Variants in CHMP7 observed in about 807,000 individuals in gnomAD.
CHMP7 encodes CHMP family, member 7.
In CHMP7, 15 loss-of-function variants were observed where a neutral mutation model predicts 53.7. The ratio of observed to expected loss-of-function variants is 0.28; its 90% CI spans 0.19 to 0.43. CHMP7 has a LOEUF of 0.43. Ranked by LOEUF, CHMP7 falls within the 20% of genes least tolerant of loss-of-function variation. The pLI, the probability that CHMP7 is intolerant of heterozygous loss-of-function variation, is 1.00. For missense variants in CHMP7, 527 were observed against 569.4 expected (o/e 0.93, Z 0.76); for synonymous variants, 261 against 228.0 (o/e 1.14, Z -1.30).
intron 2 of CHMP7, among the ~76,000 whole-genome samples, chr8:23,248,458 A>G (rs1480814441): frequency 7.2e-5 from 11 of 152,294 alleles, no homozygotes; most frequent in Admixed American, 5.9e-4. Context: ...GCACCAACCT[A>G]ATAGTTAACA....
chr8:23,258,777 A>G lies in CHMP7; in HGVS notation c.1006A>G (p.Met336Val). Residue 336 changes from methionine to valine, a missense_variant, in exon 8 of 11, where the codon ATG becomes GTG. Coordinates refer to ENST00000397677, the MANE Select transcript of CHMP7 (RefSeq NM_152272.5). ...TGGGGTAGGAGCACTCAAACTCTCC[A>G]TGAAGGATGTCACAGTGGAGAAGGC... ...QAGVGALKLS[M>V]KDVTVEKAES... is the part of the protein sequence containing the mutation. The G allele has an allele frequency of 1.2e-6, 2 of 1,613,884 alleles. 1 individual carries two copies. The highest frequency in any genetic ancestry group is 2.2e-5 in the South Asian group (2 of 91,064).
chr8:23,257,865 C>A (rs556349168), intron 5 of CHMP7, among the ~76,000 whole-genome samples, 168 bp from the exon 6 acceptor site: 1 of 152,352 alleles, frequency 6.6e-6, no homozygotes, highest in South Asian at 2.1e-4. Context: ...TGTCAACAGA[C>A]TTGCCACAAG....
intron 2 of CHMP7, chr8:23,247,974 C>T (rs572580036): frequency 1.0e-4 from 43 of 423,408 alleles, no homozygotes; most frequent in Admixed American, 1.2e-4. Context: ...CCCTTCTCTA[C>T]TTTTGTTCCC....
chr8:23,254,791 TGGAAG>T (rs912776978), intron 3 of CHMP7: 1 of 219,102 alleles, frequency 4.6e-6, no homozygotes, highest in Non-Finnish European at 9.3e-6. Flanking sequence ...AGACTACAAT[TGGAAG>T]GGAATTAGAT....
intron 3 of CHMP7, among the ~76,000 whole-genome samples, chr8:23,250,703 A>C (rs1801893233): frequency 6.6e-6 from 1 of 150,996 alleles, no homozygotes; most frequent in South Asian, 2.1e-4. Context: ...ACTGCAGAGA[A>C]TAGTTATTTT....
Position 23,246,642 on chromosome 8 carries a change from G to A in CHMP7, c.-54G>A. On this transcript the variant is annotated 5_prime_UTR_variant, in exon 2 of 11. Transcript: ENST00000397677. Reference sequence around the variant, plus strand: ...CGGAAGCCGGGAGGGAACGAGGGCGGAAGCGGACCAGGGCCAGGCTTGTGT... The same window carrying A: ...CGGAAGCCGGGAGGGAACGAGGGCGAAAGCGGACCAGGGCCAGGCTTGTGT... The A allele has an allele frequency of 1.4e-6, 2 of 1,468,758 alleles. No homozygotes were observed. Among genetic ancestry groups the A allele is most frequent in the Non-Finnish European group, 9.2e-7 (1 of 1,090,620 alleles). The allele number at this position is 1,468,758 out of a possible 1,614,324, so 91.0% of individuals were successfully genotyped here. A position where few individuals can be genotyped will look rare whatever the true frequency, so the allele number is the denominator to read the frequency against.
intron 9 of CHMP7, 132 bp downstream of exon 9, chr8:23,259,258 TC>T: frequency 2.1e-6 from 1 of 485,934 alleles, no homozygotes; most frequent in East Asian, 3.6e-5. Flanking sequence ...AAGCTCCGCC[TC>T]CCGGGTTCAC....
intron 9 of CHMP7, chr8:23,259,943 C>G (rs965818670): frequency 1.7e-6 from 1 of 571,666 alleles, no homozygotes; most frequent in Non-Finnish European, 3.1e-6. Context: ...CAGAATACAC[C>G]TCCTTGGTGA....
At chr8:23,245,473 C>T (rs532509752) in intron 1 of CHMP7, among the ~76,000 whole-genome samples, 5 of 152,260 alleles carry the variant, frequency 3.3e-5, no homozygotes, top group African/African-American at 7.2e-5. Context: ...TAATAAATTC[C>T]GCTTTAACCT....
chr8:23,255,333 C>G lies in CHMP7; in HGVS notation c.558C>G (p.Leu186=). The part of the protein sequence containing the change: ...PVVALSELST[L]CANSCPDERT... ...TGGCCCTGTCAGAGCTCAGCACCCT[C>G]TGTGCTAACTCCTGCCCAGATGAGA... The change falls in exon 4 of 11, where the codon CTC becomes CTG. Residue 186 remains leucine (L), a synonymous_variant. Transcript: ENST00000397677. 6.2e-7 allele frequency: 1 copy of G among 1,614,216 alleles called. No homozygotes were observed. Among genetic ancestry groups the G allele is most frequent in the Non-Finnish European group, 8.5e-7 (1 of 1,180,030 alleles).
chr8:23,255,199 C>T (rs368708348), intron 3 of CHMP7, 48 bp from the exon 4 acceptor site: 233 of 1,598,248 alleles, frequency 1.5e-4, no homozygotes, highest in Admixed American at 3.9e-4. Flanking sequence ...GTCCCTGCAT[C>T]CCATGGCAGT....
chr8:23,244,600 A>G (rs1266208667), intron 1 of CHMP7, among the ~76,000 whole-genome samples: 3 of 152,150 alleles, frequency 2.0e-5, no homozygotes, highest in East Asian at 1.9e-4. Flanking sequence ...TATTTGTTCA[A>G]TATTGTGTTG....
intron 3 of CHMP7, among the ~76,000 whole-genome samples, chr8:23,254,043 TCTC>T (rs1318018673): frequency 1.3e-5 from 2 of 151,904 alleles, no homozygotes; most frequent in African/African-American, 2.4e-5. Context: ...TAGGAGTGCT[TCTC>T]CTCTCTCTCC....
Position 23,259,060 on chromosome 8 carries a change from TTACAGCTCTGTGACACCCAGGA to T in CHMP7, c.1060-4_1077del. ...CAGCTCAAGGCTTTGCACTTGTCTCTTACAGCTCTGTGACACCCAGGATGAAGTTTCTCAGACTCTGGCTGGT... is the reference window on the plus strand; with the variant it reads ...CAGCTCAAGGCTTTGCACTTGTCTCTTGAAGTTTCTCAGACTCTGGCTGGT... On this transcript the variant is annotated splice_acceptor_variant and splice_polypyrimidine_tract_variant and coding_sequence_variant and intron_variant, in exon 9 of 11. Coordinates refer to ENST00000397677, the MANE Select transcript of CHMP7 (RefSeq NM_152272.5). LOFTEE classifies it high-confidence loss of function. The T allele has an allele frequency of 1.2e-6, 2 of 1,602,894 alleles. No individual in the cohort carries two copies. Among genetic ancestry groups the T allele is most frequent in the Non-Finnish European group, 1.7e-6 (2 of 1,169,740 alleles).
chr8:23,246,506 G>C lies in CHMP7; in HGVS notation c.-190G>C. On this transcript the variant is annotated 5_prime_UTR_variant, in exon 2 of 11. Transcript: ENST00000397677. Reference sequence around the variant, plus strand: ...TCTCTGAAAAGAACTTCATCATACTGCCTCCTGGCTGACGGAGCGCAGCGC... The same window carrying C: ...TCTCTGAAAAGAACTTCATCATACTCCCTCCTGGCTGACGGAGCGCAGCGC... The C allele has an allele frequency of 1.7e-6, 1 of 600,162 alleles. No homozygotes were observed. Among genetic ancestry groups the C allele is most frequent in the Non-Finnish European group, 2.9e-6 (1 of 339,862 alleles). The allele number at this position is 600,162 out of a possible 1,614,324, so 37.2% of individuals were successfully genotyped here.
chr8:23,258,906 CTT>C (rs1802251968), intron 8 of CHMP7, 76 bp downstream of exon 8: 13 of 1,153,496 alleles, frequency 1.1e-5, no homozygotes, highest in Non-Finnish European at 1.7e-5. Flanking sequence ...TGCACATCCT[CTT>C]TAACGAAACC....
chr8:23,259,161 C>CTTTTTTT (rs1491187498), intron 9 of CHMP7, 35 bp downstream of exon 9: 17 of 520,340 alleles, frequency 3.3e-5, no homozygotes, highest in South Asian at 7.4e-5. Context: ...TATTTTTATT[C>CTTTTTTT]ATTTTTTTTT....
intron 2 of CHMP7, 73 bp downstream of exon 2, chr8:23,247,067 G>C: frequency 7.2e-7 from 1 of 1,391,798 alleles, no homozygotes; most frequent in Non-Finnish European, 9.5e-7. Context: ...CCCTGGTCCT[G>C]TTCTCTGCAC....
chr8:23,259,010 CTG>C lies in CHMP7; in HGVS notation c.1060-55_1060-54del. The stretch of plus-strand genomic sequence containing the variant: ...AACCCTAGATATTTTCCACCAAAGA[CTG>C]AGATGCTCAGAGCCACCATGCCCAG... On this transcript the variant is annotated intron_variant, in intron 8 of 10. Transcript: ENST00000397677. 2.5e-6 allele frequency: 3 copies of C among 1,221,466 alleles called. No homozygotes were observed. In the South Asian group the frequency reaches 3.6e-5, roughly 15 times the overall value. 75.7% of individuals were successfully genotyped at this position (1,221,466 alleles called of 1,614,324 possible).
Sources: allele counts gnomAD v4.1 joint callset (sites outside exome capture counted in the v4.1 genomes callset), GRCh38; gene constraint gnomAD v4.1.1; transcripts MANE v1.5; gene names NCBI Gene and HGNC (gene_info 2026-07-23, HGNC 2026-07-21).